Variants in ERBB4 observed in about 807,000 individuals in gnomAD.
ERBB4 encodes the protein receptor tyrosine-protein kinase erbB-4.
In ERBB4, 42 loss-of-function variants were observed where a neutral mutation model predicts 158.0. That is an observed-to-expected ratio of 0.27 (90% CI 0.21 to 0.34). The LOEUF (loss-of-function observed/expected upper bound fraction) is 0.34, where lower values mean the gene tolerates loss of function less well. ERBB4 is among the 10% of genes least tolerant of loss of function. The pLI, the probability that ERBB4 is intolerant of heterozygous loss-of-function variation, is 1.00. For missense variants in ERBB4, 1,333 were observed against 1,624.1 expected, an observed-to-expected ratio of 0.82 and a Z score of 3.08; for synonymous variants, 583 against 558.7, an observed-to-expected ratio of 1.04 and a Z score of -0.61.
At chr2:211,631,302 T>C (rs2070120021) in intron 16 of ERBB4, among the ~76,000 whole-genome samples, 1 of 152,126 alleles carries the variant, frequency 6.6e-6, no homozygotes, top group South Asian at 2.1e-4. Flanking sequence ...AAGAGAGTTA[T>C]TATTGCCCAA....
chr2:211,880,924 C>G (rs185118378), intron 3 of ERBB4, among the ~76,000 whole-genome samples: 1 of 152,118 alleles, frequency 6.6e-6, no homozygotes, highest in Non-Finnish European at 1.5e-5. Context: ...TTTAATGGCA[C>G]AAGTAATATC....
chr2:211,569,300 T>G (rs1475977938), intron 19 of ERBB4, among the ~76,000 whole-genome samples: 1 of 152,244 alleles, frequency 6.6e-6, no homozygotes, highest in Admixed American at 6.5e-5. Flanking sequence ...CGGATTACAC[T>G]GAAATTCCAT....
intron 3 of ERBB4, among the ~76,000 whole-genome samples, chr2:211,791,842 C>T (rs549276424): frequency 1.3e-4 from 20 of 151,838 alleles, no homozygotes; most frequent in Admixed American, 1.3e-4. Flanking sequence ...GTGTCTCAAA[C>T]GTTTCCGACT....
chr2:212,156,318 T>C (rs900390087), intron 1 of ERBB4, among the ~76,000 whole-genome samples: 3 of 151,952 alleles, frequency 2.0e-5, no homozygotes, highest in Non-Finnish European at 2.9e-5. Context: ...GAATGACTTA[T>C]TGACCCAGTT....
chr2:212,318,331 C>A (rs567346728), intron 1 of ERBB4, among the ~76,000 whole-genome samples: 1 of 151,620 alleles, frequency 6.6e-6, no homozygotes, highest in East Asian at 2.0e-4. Context: ...TTGTAATCAG[C>A]ATTTCTTTCA....
chr2:212,326,055 G>T (rs1002205617), intron 1 of ERBB4, among the ~76,000 whole-genome samples: 1 of 150,390 alleles, frequency 6.6e-6, no homozygotes, highest in Non-Finnish European at 1.5e-5. Context: ...GCCAAATCTT[G>T]CTGTATTTTA....
intron 18 of ERBB4, among the ~76,000 whole-genome samples, chr2:211,622,531 T>C (rs538699368): frequency 6.6e-6 from 1 of 152,274 alleles, no homozygotes; most frequent in East Asian, 1.9e-4. Flanking sequence ...GTTTATATTC[T>C]AATTATTAAT....
At chr2:212,391,687 ATAT>A (rs1428392293) in intron 1 of ERBB4, among the ~76,000 whole-genome samples, 13 of 126,758 alleles carry the variant, frequency 1.0e-4, no homozygotes, top group South Asian at 7.4e-4. Context: ...TATATTATAT[ATAT>A]TATATTATAT....
At chr2:211,427,287 C>T (rs891222829) in intron 22 of ERBB4, among the ~76,000 whole-genome samples, 4 of 151,824 alleles carry the variant, frequency 2.6e-5, no homozygotes, top group African/African-American at 9.7e-5. Context: ...ATAAATTGTA[C>T]CATACATTTA....
At chr2:212,003,128 G>A (rs5005259) in intron 2 of ERBB4, among the ~76,000 whole-genome samples, 157 of 16,102 alleles carry the variant, frequency 9.8e-3, no homozygotes, top group Middle Eastern at 0.033. Context: ...AAGGAAGGAA[G>A]GAAGGAAGGA....
At chr2:212,214,265 G>C (rs1382322326) in intron 1 of ERBB4, among the ~76,000 whole-genome samples, 1 of 151,742 alleles carries the variant, frequency 6.6e-6, no homozygotes. Context: ...GTGACCAACA[G>C]GCACCTGTGG....
At chr2:212,047,627 C>T (rs992412767) in intron 2 of ERBB4, among the ~76,000 whole-genome samples, 1 of 150,366 alleles carries the variant, frequency 6.7e-6, no homozygotes, top group African/African-American at 2.5e-5. Context: ...TACCCACCAC[C>T]ACACTTGGCT....
At chr2:211,567,281 A>T (rs1559303120) in intron 19 of ERBB4, among the ~76,000 whole-genome samples, 1 of 152,170 alleles carries the variant, frequency 6.6e-6, no homozygotes, top group African/African-American at 2.4e-5. Context: ...TCATCAGCAT[A>T]TTACAGTGTC....
At chr2:212,271,958 T>C (rs2085359782) in intron 1 of ERBB4, among the ~76,000 whole-genome samples, 1 of 151,762 alleles carries the variant, frequency 6.6e-6, no homozygotes, top group African/African-American at 2.4e-5. Flanking sequence ...AAGAGTCCGG[T>C]TCTCTTATAA....
chr2:211,447,688 ACTT>A (rs1334630939), intron 20 of ERBB4, among the ~76,000 whole-genome samples: 29 of 152,120 alleles, frequency 1.9e-4, no homozygotes, highest in Admixed American at 4.6e-4. Flanking sequence ...GATTTAGCAG[ACTT>A]ATTTTTGACT....
chr2:211,484,590 CA>C (rs1477662289), intron 20 of ERBB4, among the ~76,000 whole-genome samples: 1 of 151,876 alleles, frequency 6.6e-6, no homozygotes, highest in Non-Finnish European at 1.5e-5. Context: ...GATTTCAGAG[CA>C]AAAAATATTA....
At chr2:212,482,908 C>T (rs1173372506) in intron 1 of ERBB4, among the ~76,000 whole-genome samples, 1 of 152,200 alleles carries the variant, frequency 6.6e-6, no homozygotes, top group African/African-American at 2.4e-5. Flanking sequence ...AGGCGTGAAC[C>T]ACTGTGCCCA....
intron 4 of ERBB4, among the ~76,000 whole-genome samples, chr2:211,762,738 G>A (rs936036097): frequency 2.6e-5 from 4 of 152,282 alleles, no homozygotes; most frequent in East Asian, 1.9e-4. Flanking sequence ...GAAATTTACT[G>A]CTCTCAAAGG....
At chr2:211,609,841 C>A (rs1245616414) in intron 19 of ERBB4, among the ~76,000 whole-genome samples, 1 of 152,168 alleles carries the variant, frequency 6.6e-6, no homozygotes. Flanking sequence ...AAGGACATAA[C>A]CAGGTAAATA....
Sources: gnomAD v4.1 joint callset for allele counts (sites outside exome capture counted in the v4.1 genomes callset) on GRCh38, gnomAD v4.1.1 for gene constraint, MANE v1.5 for transcripts, NCBI Gene and HGNC (gene_info 2026-07-23, HGNC 2026-07-21) for gene names.